ABTB3: variants seen among roughly 807,000 people sequenced by gnomAD.
ABTB3 encodes the protein ankyrin repeat and BTB domain containing 3.
the ABTB3 span, among the ~76,000 whole-genome samples, chr12:107,369,707 G>GGTTTTTTTTTTTTTTTTTTTTTTTTT: frequency 1.3e-5 from 1 of 76,146 alleles, no homozygotes. Context: ...CCCAAACATG[G>GGTTTTTTTTTTTTTTTTTTTTTTTTT]TTTTTTTTTT....
chr12:107,513,157 C>T, the ABTB3 span, among the ~76,000 whole-genome samples: 1 of 152,180 alleles, frequency 6.6e-6, no homozygotes, highest in Non-Finnish European at 1.5e-5. Context: ...GTTTGTACTC[C>T]ATAAAAGTTG....
the ABTB3 span, chr12:107,612,814 G>C: frequency 5.0e-6 from 8 of 1,613,750 alleles, no homozygotes; most frequent in Non-Finnish European, 5.9e-6. Flanking sequence ...TGCGTCCGTG[G>C]GGACGAGGCG....
chr12:107,321,136 C>G, the ABTB3 span, among the ~76,000 whole-genome samples: 2 of 152,308 alleles, frequency 1.3e-5, no homozygotes, highest in Admixed American at 1.3e-4. Flanking sequence ...CGAAATAAAA[C>G]TTTGTTACAT....
chr12:107,482,333 G>A, the ABTB3 span, among the ~76,000 whole-genome samples: 5 of 152,298 alleles, frequency 3.3e-5, no homozygotes, highest in African/African-American at 1.2e-4. Flanking sequence ...AGGTGAAGGA[G>A]ATAGGGAGAG....
the ABTB3 span, chr12:107,319,093 C>T: frequency 6.2e-7 from 1 of 1,609,250 alleles, no homozygotes; most frequent in Non-Finnish European, 8.5e-7. Flanking sequence ...GCGGGAGCTG[C>T]TGGCCGCCTC....
the ABTB3 span, among the ~76,000 whole-genome samples, chr12:107,433,283 C>A: frequency 1.8e-5 from 2 of 110,296 alleles, no homozygotes; most frequent in South Asian, 2.9e-4. Flanking sequence ...GGCGACAGAG[C>A]GAGACTCCGT....
the ABTB3 span, among the ~76,000 whole-genome samples, chr12:107,471,130 A>C: frequency 6.6e-6 from 1 of 152,244 alleles, no homozygotes; most frequent in Admixed American, 6.5e-5. Flanking sequence ...CTTTCAGAAT[A>C]ACAAACCCCT....
chr12:107,517,078 C>G, the ABTB3 span, among the ~76,000 whole-genome samples: 14,874 of 152,244 alleles, frequency 0.098, 799 homozygotes, highest in South Asian at 0.15. Context: ...TTTCAACTTT[C>G]TACATATAGC....
At chr12:107,610,741 GA>G in the ABTB3 span, among the ~76,000 whole-genome samples, 7 of 152,136 alleles carry the variant, frequency 4.6e-5, no homozygotes, top group Non-Finnish European at 2.9e-5. Context: ...GACAAGCCCA[GA>G]CAGACTTCAT....
At chr12:107,476,145 A>AGGGCTGGCT in the ABTB3 span, among the ~76,000 whole-genome samples, 1 of 152,144 alleles carries the variant, frequency 6.6e-6, no homozygotes, top group Non-Finnish European at 1.5e-5. Context: ...AGGGCAGTGT[A>AGGGCTGGCT]GGGCTGGCTA....
the ABTB3 span, among the ~76,000 whole-genome samples, chr12:107,647,735 C>G: frequency 1.3e-5 from 2 of 152,202 alleles, no homozygotes; most frequent in East Asian, 3.9e-4. Flanking sequence ...CCTGCTAGGC[C>G]TGTTCTATGC....
chr12:107,595,513 T>C, the ABTB3 span, among the ~76,000 whole-genome samples: 60 of 152,226 alleles, frequency 3.9e-4, 1 homozygote, highest in African/African-American at 1.3e-3. Flanking sequence ...ACTTGAAGCC[T>C]ATGATTAGGA....
At chr12:107,658,222 TA>T in the ABTB3 span, 7 of 152,634 alleles carry the variant, frequency 4.6e-5, no homozygotes, top group African/African-American at 7.3e-5. Flanking sequence ...AATGTTCATT[TA>T]AAAAAAAACA....
At chr12:107,637,249 G>A in the ABTB3 span, among the ~76,000 whole-genome samples, 3 of 151,986 alleles carry the variant, frequency 2.0e-5, no homozygotes, top group Non-Finnish European at 4.4e-5. Context: ...AAAATTATCC[G>A]GACGCAATGG....
At chr12:107,383,021 C>T in the ABTB3 span, among the ~76,000 whole-genome samples, 1 of 152,152 alleles carries the variant, frequency 6.6e-6, no homozygotes, top group Non-Finnish European at 1.5e-5. Flanking sequence ...TGTGTCCCCT[C>T]ACCTCCTCAA....
At chr12:107,635,083 A>T in the ABTB3 span, 3 of 448,722 alleles carry the variant, frequency 6.7e-6, no homozygotes, top group African/African-American at 2.0e-5. Context: ...AACCCACTAG[A>T]AATAGACAGT....
the ABTB3 span, among the ~76,000 whole-genome samples, chr12:107,327,114 T>A: frequency 6.6e-6 from 1 of 152,194 alleles, no homozygotes; most frequent in African/African-American, 2.4e-5. Flanking sequence ...ATTGTTTTAA[T>A]GCAGTAACAG....
chr12:107,513,954 G>C, the ABTB3 span, among the ~76,000 whole-genome samples: 1 of 152,246 alleles, frequency 6.6e-6, no homozygotes, highest in African/African-American at 2.4e-5. Context: ...TGATCTGCAA[G>C]ACCATTTGAA....
the ABTB3 span, among the ~76,000 whole-genome samples, chr12:107,343,283 G>T: frequency 2.0e-5 from 3 of 151,988 alleles, no homozygotes; most frequent in Non-Finnish European, 4.4e-5. Context: ...TAAAGTGTTG[G>T]GATTACAGAC....
Sources: gnomAD v4.1 joint callset for allele counts (sites outside exome capture counted in the v4.1 genomes callset) on GRCh38, gnomAD v4.1.1 for gene constraint, MANE v1.5 for transcripts, NCBI Gene and HGNC (gene_info 2026-07-23, HGNC 2026-07-21) for gene names.